Variants in OSBPL10 observed in about 807,000 individuals in gnomAD.
The protein encoded by OSBPL10 is oxysterol binding protein like 10, also known as oxysterol-binding protein-related protein 10.
Under a neutral mutation model 81.7 loss-of-function variants are expected in OSBPL10, and 49 were observed. The ratio of observed to expected loss-of-function variants is 0.60; its 90% CI spans 0.48 to 0.76. The LOEUF is 0.76. Ranked by LOEUF, OSBPL10 falls within the 30% of genes least tolerant of loss-of-function variation. The pLI, the probability that OSBPL10 is intolerant of heterozygous loss-of-function variation, is 0.00. For missense variants in OSBPL10, 923 were observed against 987.8 expected, an observed-to-expected ratio of 0.93 and a Z score of 0.88; for synonymous variants, 419 against 383.6, an observed-to-expected ratio of 1.09 and a Z score of -1.08.
chr3:31,996,657 C>T lies in OSBPL10; in HGVS notation n.298+49834G>A, dbSNP rs1221838711. On this transcript the variant is annotated intron_variant and non_coding_transcript_variant, in intron 2 of 3. Transcript: ENST00000479173. ...GAGAATTTCAGAAAGAAGCTGTTGC[C>T]GGGTGCTGACGTTTCTTTTTGGATC... 2.6e-5 allele frequency among the ~76,000 whole-genome samples: 4 copies of T among 152,160 alleles called. No individual in the cohort carries two copies. The East Asian group carries it at 5.8e-4, about 22-fold the overall frequency.
chr3:31,938,865 C>T (rs377416396), intron 1 of OSBPL10, among the ~76,000 whole-genome samples: 1 of 152,182 alleles, frequency 6.6e-6, no homozygotes, highest in Non-Finnish European at 1.5e-5. Flanking sequence ...TCTAACTCCA[C>T]TCTCAGACGA....
intron 1 of OSBPL10, among the ~76,000 whole-genome samples, chr3:32,070,480 C>G (rs1255774989): frequency 1.3e-5 from 2 of 152,130 alleles, no homozygotes; most frequent in Non-Finnish European, 2.9e-5. Flanking sequence ...TCTCATATCC[C>G]CCAACCTTAA....
At chr3:31,995,605 A>G (rs982245073) in intron 2 of OSBPL10, among the ~76,000 whole-genome samples, 4 of 152,224 alleles carry the variant, frequency 2.6e-5, no homozygotes, top group African/African-American at 9.6e-5. Flanking sequence ...AGTTAACGCA[A>G]TCATCACAGT....
rs868659038 is a variant in OSBPL10 at position 31,965,458 on chromosome 3, A to T, written c.281+15441T>A. 0.011 allele frequency among the ~76,000 whole-genome samples: 680 copies of T among 60,172 alleles called. 92 individuals carry two copies. The East Asian group carries it at 0.29, about 25-fold the overall frequency. The allele number at this position is 60,172 out of a possible 152,430, so 39.5% of individuals were successfully genotyped here. ...TATAATATATATTATATAATATATA[A>T]TTTATATAATATATATTATATATTA... On this transcript the variant is annotated intron_variant, in intron 1 of 11. Transcript: ENST00000396556.
At chr3:32,041,819 A>C (rs1294331316) in intron 2 of OSBPL10, among the ~76,000 whole-genome samples, 3 of 151,990 alleles carry the variant, frequency 2.0e-5, no homozygotes. Flanking sequence ...CACCACACCC[A>C]GCTAATTTTT....
At chr3:31,716,201 G>C (rs969723023) in intron 6 of OSBPL10, among the ~76,000 whole-genome samples, 1 of 152,100 alleles carries the variant, frequency 6.6e-6, no homozygotes. Context: ...TTTGGGGTTT[G>C]TTTATCCTTT....
Position 31,708,874 on chromosome 3 carries a change from G to T in OSBPL10, c.1096-6366C>A, listed in dbSNP as rs187927878. On this transcript the variant is annotated intron_variant, in intron 6 of 11. Transcript: ENST00000396556. ...TTGGTCAGAAGTCATGCCGAAGACA[G>T]AAGCTGTGGACACATGCCTTCAGCT... The T allele has an allele frequency of 1.6e-5, 16 of 985,462 alleles. No homozygotes were observed. The South Asian group carries it at 6.1e-4, about 38-fold the overall frequency. 61.0% of individuals were successfully genotyped at this position (985,462 alleles called of 1,614,324 possible).
intron 2 of OSBPL10, among the ~76,000 whole-genome samples, chr3:32,028,927 GACACACACACACACACAC>G (rs58442955): frequency 2.4e-4 from 25 of 105,734 alleles, no homozygotes; most frequent in Middle Eastern, 5.0e-3. Flanking sequence ...AGCTAGTCAG[GACACACACACACACACAC>G]ACACACACAC....
At chr3:31,967,219 T>TCA (rs1422380325) in intron 1 of OSBPL10, among the ~76,000 whole-genome samples, 1 of 152,122 alleles carries the variant, frequency 6.6e-6, no homozygotes, top group African/African-American at 2.4e-5. Context: ...TGCAGAGAGC[T>TCA]CATGCCACTC....
chr3:32,045,232 A>G (rs541375846), intron 2 of OSBPL10, among the ~76,000 whole-genome samples: 5 of 152,326 alleles, frequency 3.3e-5, no homozygotes, highest in Admixed American at 2.6e-4. Context: ...CAGGCATTCT[A>G]CCAGGAAGCA....
chr3:32,065,983 GAAAGAAAGAA>G (rs1699774770), intron 1 of OSBPL10, among the ~76,000 whole-genome samples: 1 of 64,816 alleles, frequency 1.5e-5, no homozygotes, highest in African/African-American at 3.5e-5. Flanking sequence ...AAGAAAGAAA[GAAAGAAAGAA>G]AGAAAGAAAG....
chr3:31,877,261 T>A (rs985056156), intron 2 of OSBPL10, among the ~76,000 whole-genome samples: 2 of 152,162 alleles, frequency 1.3e-5, no homozygotes, highest in African/African-American at 4.8e-5. Flanking sequence ...TGTGGTGTTA[T>A]TAACATTTAC....
chr3:31,844,252 A>G (rs1367923933), intron 3 of OSBPL10, among the ~76,000 whole-genome samples: 2 of 152,232 alleles, frequency 1.3e-5, no homozygotes, highest in Non-Finnish European at 2.9e-5. Flanking sequence ...GCCATGATTC[A>G]AGTAAGCTGG....
chr3:31,865,226 C>A (rs542427461), intron 3 of OSBPL10, among the ~76,000 whole-genome samples: 1 of 152,294 alleles, frequency 6.6e-6, no homozygotes, highest in South Asian at 2.1e-4. Flanking sequence ...CAGCTCTATC[C>A]AACAGAACTT....
chr3:31,740,867 A>ATATATATATATG (rs1697325720), intron 5 of OSBPL10, among the ~76,000 whole-genome samples: 1 of 150,526 alleles, frequency 6.6e-6, no homozygotes, highest in Non-Finnish European at 1.5e-5. Flanking sequence ...TTATATATAT[A>ATATATATATATG]TGTCATATTT....
chr3:31,988,608 C>T (rs890150437), intron 2 of OSBPL10: 3 of 166,678 alleles, frequency 1.8e-5, no homozygotes, highest in Admixed American at 1.7e-4. Flanking sequence ...TTCACTCTCG[C>T]TCTCTCTCTC....
At chr3:32,040,284 G>A (rs975237865) in intron 2 of OSBPL10, among the ~76,000 whole-genome samples, 2 of 152,158 alleles carry the variant, frequency 1.3e-5, no homozygotes, top group African/African-American at 4.8e-5. Flanking sequence ...GCATGTGCCT[G>A]TAGTCCCTGC....
chr3:31,665,870 C>T (rs768125875), intron 10 of OSBPL10, among the ~76,000 whole-genome samples: 1 of 152,100 alleles, frequency 6.6e-6, no homozygotes, highest in East Asian at 1.9e-4. Context: ...TGGTAAGTCC[C>T]ATCTTAAGAC....
At chr3:31,771,312 G>A (rs1228992942) in intron 4 of OSBPL10, among the ~76,000 whole-genome samples, 1 of 152,170 alleles carries the variant, frequency 6.6e-6, no homozygotes, top group Non-Finnish European at 1.5e-5. Context: ...ACTAACAGCT[G>A]AACAGGCAGG....
Sources: allele counts gnomAD v4.1 joint callset (sites outside exome capture counted in the v4.1 genomes callset), GRCh38; gene constraint gnomAD v4.1.1; transcripts MANE v1.5; gene names NCBI Gene and HGNC (gene_info 2026-07-23, HGNC 2026-07-21).